IARS1: variants seen among roughly 807,000 people sequenced by gnomAD.
The protein encoded by IARS1 is isoleucyl-tRNA synthetase 1.
Under a neutral mutation model 168.2 loss-of-function variants are expected in IARS1, and 124 were observed. The ratio of observed to expected loss-of-function variants is 0.74; its 90% CI spans 0.64 to 0.86. The LOEUF is 0.86. Among genes scored for constraint, IARS1 ranks in the 40% least tolerant of loss-of-function variants. The pLI is 0.00. For synonymous variants in IARS1, 532 were observed against 529.4 expected (o/e 1.00, Z -0.07); for missense variants, 1,452 against 1,515.8 (o/e 0.96, Z 0.70).
Position 92,223,369 on chromosome 9 carries a change from T to C in IARS1, c.3530A>G (p.Gln1177Arg). 7 of 1,613,358 alleles carry C rather than the reference T, an allele frequency of 4.3e-6. No homozygotes were observed. Among genetic ancestry groups the C allele is most frequent in the Non-Finnish European group, 5.9e-6 (7 of 1,179,516 alleles). The change falls in exon 32 of 34, where the codon CAG (glutamine) becomes CGG (arginine). Residue 1177 changes from glutamine (Q) to arginine (R), a missense_variant. Physicochemically the swap from Gln to Arg is conservative, Grantham distance 43. Coordinates refer to ENST00000443024, the MANE Select transcript of IARS1 (RefSeq NM_002161.6). The stretch of plus-strand genomic sequence containing the variant: ...ACCTTGTGGCTTTGCATTCAGGAGC[T>C]GTAGGTTGATATACTGACAAAGAAG... The part of the protein sequence containing the change: ...STLLCQYINL[Q>R]LLNAKPQECL...
intron 30 of IARS1, 76 bp downstream of exon 30, chr9:92,240,780 A>C (rs1156245911): frequency 1.2e-6 from 1 of 819,860 alleles, no homozygotes. Flanking sequence ...AACATCCATA[A>C]GTTTTTTTGG....
chr9:92,270,928 T>C, intron 12 of IARS1, 57 bp downstream of exon 12: 1 of 1,161,666 alleles, frequency 8.6e-7, no homozygotes, highest in Non-Finnish European at 1.2e-6. Context: ...GCACATATAG[T>C]AAGTGTAAGC....
Position 92,220,620 on chromosome 9 carries a change from A to AAAACAAAC in IARS1, c.3706+1892_3706+1899dup, listed in dbSNP as rs111465873. Among the ~76,000 whole-genome samples the AAAACAAAC allele has an allele frequency of 4.9e-3, 746 of 150,968 alleles. 3 individuals carry two copies. Among genetic ancestry groups the AAAACAAAC allele is most frequent in the Non-Finnish European group, 7.7e-3 (524 of 67,684 alleles). ...GGCAACAAGAGTGAAACTCTGTCTC[A>AAAACAAAC]AAACAAACAAACAAACAAACAAACA... On this transcript the variant is annotated intron_variant, in intron 33 of 33. Transcript: ENST00000443024.
Position 92,273,115 on chromosome 9 carries a change from G to C in IARS1, c.990+1311C>G, listed in dbSNP as rs571510625. Among the ~76,000 whole-genome samples, 647 of 144,464 alleles carry C rather than the reference G, an allele frequency of 4.5e-3. 2 individuals are homozygous for C. The highest frequency in any genetic ancestry group is 7.5e-3 in the Middle Eastern group (2 of 268). The allele number at this position is 144,464 out of a possible 152,430, so 94.8% of individuals were successfully genotyped here. ...CCACTGCACTCCAGCCTGGGTGACA[G>C]AGCGAGACTCCCATCTCAAAAAAAA... On this transcript the variant is annotated intron_variant, in intron 10 of 33. Coordinates refer to ENST00000443024, the MANE Select transcript of IARS1 (RefSeq NM_002161.6).
chr9:92,256,702 G>A lies in IARS1; in HGVS notation c.2115C>T (p.Gly705=). 1 of 1,613,758 alleles carries A rather than the reference G, an allele frequency of 6.2e-7. No homozygotes were observed. The highest frequency in any genetic ancestry group is 1.1e-5 in the South Asian group (1 of 91,022). Residue 705 remains glycine, a synonymous_variant, in exon 20 of 34, where the codon GGC becomes GGT. Transcript: ENST00000443024. Reference sequence around the variant, plus strand: ...CACCTGCCATTTCAGTCTCAAAGAAGCCAATGAGAGACTGCATGAAGGACA... The same window carrying A: ...CACCTGCCATTTCAGTCTCAAAGAAACCAATGAGAGACTGCATGAAGGACA... The part of the protein sequence containing the change: ...WILSFMQSLI[G]FFETEMAAYR...
At chr9:92,231,490 A>G (rs1168434031) in intron 30 of IARS1, among the ~76,000 whole-genome samples, 2 of 149,020 alleles carry the variant, frequency 1.3e-5, no homozygotes, top group African/African-American at 5.0e-5. Context: ...CTTGGCTCAC[A>G]GCAACCTCCA....
chr9:92,277,943 A>C lies in IARS1; in HGVS notation c.834-20T>G. 6.2e-7 allele frequency: 1 copy of C among 1,608,470 alleles called. No homozygotes were observed. Among genetic ancestry groups the C allele is most frequent in the Non-Finnish European group, 8.5e-7 (1 of 1,175,208 alleles). On this transcript the variant is annotated intron_variant, in intron 8 of 33. Coordinates refer to ENST00000443024, the MANE Select transcript of IARS1 (RefSeq NM_002161.6). Reference sequence around the variant, plus strand: ...GGAAATCTAGAAAAGGAGAAAGGCAAACTCACAATTAGATTAAAATCAAAT... The same window carrying C: ...GGAAATCTAGAAAAGGAGAAAGGCACACTCACAATTAGATTAAAATCAAAT...
chr9:92,285,870 A>ATTC, intron 5 of IARS1, 31 bp from the exon 6 acceptor site: 2 of 1,219,630 alleles, frequency 1.6e-6, no homozygotes, highest in Non-Finnish European at 2.4e-6. Context: ...ACAATTACAG[A>ATTC]ACAAAATTCT....
intron 30 of IARS1, among the ~76,000 whole-genome samples, chr9:92,231,876 C>A (rs1174107226): frequency 1.3e-5 from 2 of 152,176 alleles, no homozygotes; most frequent in Non-Finnish European, 2.9e-5. Flanking sequence ...TTTTCAAGTT[C>A]ATGTGACTTG....
At chr9:92,266,828 T>A (rs1402231608) in intron 14 of IARS1, among the ~76,000 whole-genome samples, 1 of 152,156 alleles carries the variant, frequency 6.6e-6, no homozygotes, top group African/African-American at 2.4e-5. Context: ...CCTCCCCACA[T>A]GCAGATGTCT....
intron 20 of IARS1, among the ~76,000 whole-genome samples, chr9:92,255,504 G>T (rs1830592588): frequency 6.6e-6 from 1 of 152,088 alleles, no homozygotes; most frequent in Non-Finnish European, 1.5e-5. Context: ...TGTACTTTTT[G>T]AATCTCTGTA....
In IARS1 at chr9:92,288,252, T is replaced by A; in HGVS notation, c.150A>T (p.Ala50=). 1 of 1,614,070 alleles carries A rather than the reference T, an allele frequency of 6.2e-7. No individual in the cohort carries two copies. The highest frequency in any genetic ancestry group is 1.7e-5 in the Admixed American group (1 of 60,024). ...TATGTCCATAGTGAGGCAGTCCAGT[T>A]GCAAAAGGAGGACCATCATAGAAGG... The part of the protein sequence containing the change: ...KFTFYDGPPF[A]TGLPHYGHIL... The change falls in exon 3 of 34, where the codon GCA becomes GCT. Residue 50 remains alanine (A), a synonymous_variant. Transcript: ENST00000443024.
intron 30 of IARS1, among the ~76,000 whole-genome samples, chr9:92,237,757 A>G (rs79689664): frequency 0.02 from 3,078 of 152,232 alleles, 108 homozygotes; most frequent in African/African-American, 0.07. Flanking sequence ...TACAAACATG[A>G]CCATTCCTGC....
intron 20 of IARS1, among the ~76,000 whole-genome samples, chr9:92,254,068 G>A (rs570799371): frequency 4.6e-5 from 7 of 152,308 alleles, no homozygotes; most frequent in African/African-American, 1.4e-4. Context: ...CCCCACCACA[G>A]AGGATGACCT....
intron 1 of IARS1, among the ~76,000 whole-genome samples, chr9:92,291,146 C>T (rs762741466): frequency 2.0e-5 from 3 of 151,974 alleles, no homozygotes; most frequent in Admixed American, 6.6e-5. Context: ...ACCCTTGAGA[C>T]CTTTCCTTCT....
chr9:92,222,696 A>G, intron 32 of IARS1, 24 bp from the exon 33 acceptor site: 1 of 1,612,550 alleles, frequency 6.2e-7, no homozygotes, highest in South Asian at 1.1e-5. Context: ...AACAAACTGG[A>G]TTAAATCTCG....
intron 17 of IARS1, among the ~76,000 whole-genome samples, chr9:92,261,821 G>A (rs955281507): frequency 1.1e-4 from 16 of 151,692 alleles, no homozygotes; most frequent in African/African-American, 3.4e-4. Flanking sequence ...CATGATCTTG[G>A]CTCACTCCAA....
intron 8 of IARS1, 56 bp from the exon 9 acceptor site, chr9:92,277,979 A>G: frequency 6.7e-7 from 1 of 1,497,814 alleles, no homozygotes; most frequent in Non-Finnish European, 9.3e-7. Flanking sequence ...ATGAGGCTGC[A>G]GCCACATCAA....
chr9:92,229,220 C>A, intron 30 of IARS1, 94 bp from the exon 31 acceptor site: 1 of 1,327,746 alleles, frequency 7.5e-7, no homozygotes, highest in Non-Finnish European at 1.0e-6. Context: ...GGGGTTCAAG[C>A]CCTAATATTT....
Sources: gnomAD v4.1 joint callset for allele counts (sites outside exome capture counted in the v4.1 genomes callset) on GRCh38, gnomAD v4.1.1 for gene constraint, MANE v1.5 for transcripts, NCBI Gene and HGNC (gene_info 2026-07-23, HGNC 2026-07-21) for gene names.